The following CNTNAP2 variants were observed in gnomAD, a reference collection of about 807,000 sequenced individuals.
CNTNAP2 encodes the protein contactin-associated protein-like 2.
Under a neutral mutation model 155.2 loss-of-function variants are expected in CNTNAP2, and 98 were observed. The observed-to-expected ratio is 0.63, with a 90% confidence interval of 0.54 to 0.75. The LOEUF (loss-of-function observed/expected upper bound fraction) is 0.75, where lower values mean the gene tolerates loss of function less well. Ranked by LOEUF, CNTNAP2 falls within the 30% of genes least tolerant of loss-of-function variation. The pLI, the probability that CNTNAP2 is intolerant of heterozygous loss-of-function variation, is 0.00. For synonymous variants in CNTNAP2, 651 were observed against 631.2 expected (o/e 1.03, Z -0.47); for missense variants, 1,727 against 1,688.1 (o/e 1.02, Z -0.40).
intron 8 of CNTNAP2, among the ~76,000 whole-genome samples, chr7:147,260,203 G>A (rs919997132): frequency 2.0e-5 from 3 of 152,170 alleles, no homozygotes; most frequent in South Asian, 2.1e-4. Context: ...GCAACTTAAC[G>A]TGAAGTTTGT....
At chr7:147,062,514 C>G (rs1319271520) in intron 4 of CNTNAP2, among the ~76,000 whole-genome samples, 4 of 151,974 alleles carry the variant, frequency 2.6e-5, no homozygotes, top group African/African-American at 9.7e-5. Flanking sequence ...AAATAAATGC[C>G]ACGTTTACTA....
Position 147,775,236 on chromosome 7 carries a change from T to TATATTTATATATATATTTATAA in CNTNAP2, c.2099-128325_2099-128324insTTATATATATATTTATAAATAT, listed in dbSNP as rs1563084274. Among the ~76,000 whole-genome samples, 4 of 120,222 alleles carry TATATTTATATATATATTTATAA rather than the reference T, an allele frequency of 3.3e-5. 1 individual carries two copies. Among genetic ancestry groups the TATATTTATATATATATTTATAA allele is most frequent in the African/African-American group, 9.2e-5 (3 of 32,718 alleles). The allele number at this position is 120,222 out of a possible 152,430, so 78.9% of individuals were successfully genotyped here. On this transcript the variant is annotated intron_variant, in intron 13 of 23. Transcript: ENST00000361727. ...CCTATAAATACAAAAGAAATATATA[T>TATATTTATATATATATTTATAA]ATATATTTATATATATATTTATAAA...
chr7:147,245,753 C>T (rs1276952198), intron 8 of CNTNAP2, among the ~76,000 whole-genome samples: 5 of 86,666 alleles, frequency 5.8e-5, no homozygotes, highest in Non-Finnish European at 8.3e-5. Context: ...AAGAGTAAGA[C>T]TCTGTCTCAA....
chr7:146,944,771 G>A (rs1255695345), intron 3 of CNTNAP2, among the ~76,000 whole-genome samples: 1 of 151,960 alleles, frequency 6.6e-6, no homozygotes, highest in Non-Finnish European at 1.5e-5. Flanking sequence ...CCAGCTACTC[G>A]GGAGGCTGAG....
chr7:146,376,309 CTTA>C (rs896107185), intron 1 of CNTNAP2, among the ~76,000 whole-genome samples: 6 of 152,100 alleles, frequency 3.9e-5, no homozygotes, highest in Middle Eastern at 3.2e-3. Flanking sequence ...CTCTTAGAGT[CTTA>C]CAGATTTAAT....
chr7:146,651,754 T>C (rs1799915570), intron 1 of CNTNAP2, among the ~76,000 whole-genome samples: 1 of 152,314 alleles, frequency 6.6e-6, no homozygotes, highest in Non-Finnish European at 1.5e-5. Context: ...AACTAATTCA[T>C]CTGGGCATAA....
chr7:147,935,940 T>C lies in CNTNAP2; in HGVS notation c.2255+32219T>C, dbSNP rs193014045. 2.0e-4 allele frequency among the ~76,000 whole-genome samples: 31 copies of C among 152,360 alleles called. 1 individual carries two copies. Among genetic ancestry groups the C allele is most frequent in the African/African-American group, 7.0e-4 (29 of 41,592 alleles). On this transcript the variant is annotated intron_variant, in intron 14 of 23. Transcript: ENST00000361727. ...AGCTATTTTAAGAGATGCAACATAA[T>C]GCTTGCTATAAACTCTTATATTCAG...
chr7:147,585,415 TTA>T (rs897864633), intron 12 of CNTNAP2, among the ~76,000 whole-genome samples: 4 of 149,520 alleles, frequency 2.7e-5, no homozygotes, highest in Non-Finnish European at 1.5e-5. Context: ...TGATATAAAA[TTA>T]TATATAAATA....
intron 2 of CNTNAP2, among the ~76,000 whole-genome samples, chr7:146,824,959 A>G (rs903766380): frequency 2.7e-4 from 41 of 152,038 alleles, no homozygotes; most frequent in African/African-American, 8.9e-4. Context: ...TATGGGGGAA[A>G]AAAGCCTATT....
At chr7:147,199,080 G>A (rs1192447876) in intron 8 of CNTNAP2, among the ~76,000 whole-genome samples, 1 of 149,236 alleles carries the variant, frequency 6.7e-6, no homozygotes, top group Admixed American at 6.8e-5. Context: ...TCCTGTCTCA[G>A]CCTCCCGTGT....
chr7:146,229,423 C>G (rs904796908), intron 1 of CNTNAP2, among the ~76,000 whole-genome samples: 1 of 152,142 alleles, frequency 6.6e-6, no homozygotes, highest in Non-Finnish European at 1.5e-5. Context: ...ACTCCCAAAG[C>G]CTTTCTTTGT....
chr7:147,114,142 C>T (rs977951361), intron 5 of CNTNAP2, among the ~76,000 whole-genome samples: 2 of 152,146 alleles, frequency 1.3e-5, no homozygotes, highest in African/African-American at 4.8e-5. Flanking sequence ...ATTTCTTAAT[C>T]ATAAGTTCTA....
At chr7:146,666,442 T>TA (rs1244957857) in intron 1 of CNTNAP2, among the ~76,000 whole-genome samples, 1 of 152,182 alleles carries the variant, frequency 6.6e-6, no homozygotes, top group African/African-American at 2.4e-5. Flanking sequence ...CCATTGTGAA[T>TA]AGTGCTGCAA....
intron 20 of CNTNAP2, among the ~76,000 whole-genome samples, chr7:148,262,849 G>A (rs1318183242): frequency 1.3e-5 from 2 of 152,178 alleles, no homozygotes; most frequent in Non-Finnish European, 2.9e-5. Context: ...CACATGGTCA[G>A]GTCCTGGAGA....
At chr7:146,403,199 C>A (rs1795739613) in intron 1 of CNTNAP2, among the ~76,000 whole-genome samples, 1 of 151,994 alleles carries the variant, frequency 6.6e-6, no homozygotes, top group East Asian at 1.9e-4. Context: ...AAACTATAAT[C>A]TTCTCAGTGT....
chr7:147,356,713 A>T (rs1796067950), intron 9 of CNTNAP2, among the ~76,000 whole-genome samples: 1 of 152,168 alleles, frequency 6.6e-6, no homozygotes, highest in Non-Finnish European at 1.5e-5. Flanking sequence ...ATGAAAAAAC[A>T]CTTTGTACTG....
chr7:147,109,799 A>T (rs1243887116), intron 5 of CNTNAP2, among the ~76,000 whole-genome samples: 1 of 152,196 alleles, frequency 6.6e-6, no homozygotes, highest in African/African-American at 2.4e-5. Context: ...CAGTTAGTTA[A>T]CTGTTAACTA....
chr7:146,612,515 A>AT (rs149664402), intron 1 of CNTNAP2, among the ~76,000 whole-genome samples: 1 of 152,164 alleles, frequency 6.6e-6, no homozygotes, highest in African/African-American at 2.4e-5. Context: ...CAAGCCAGAG[A>AT]TTATGAGTAT....
chr7:148,105,179 A>T (rs1424980991), intron 15 of CNTNAP2, among the ~76,000 whole-genome samples: 4 of 152,252 alleles, frequency 2.6e-5, no homozygotes, highest in South Asian at 4.1e-4. Flanking sequence ...ACAGGGAAAT[A>T]GTACCATGCC....
Sources: allele counts gnomAD v4.1 joint callset (sites outside exome capture counted in the v4.1 genomes callset), GRCh38; gene constraint gnomAD v4.1.1; transcripts MANE v1.5; gene names NCBI Gene and HGNC (gene_info 2026-07-23, HGNC 2026-07-21).